Variants in NRG1 observed in about 807,000 individuals in gnomAD.
NRG1 encodes the protein neuregulin 1, also known as pro-neuregulin-1, membrane-bound isoform.
NRG1 carries 18 observed loss-of-function variants against 63.8 expected under a neutral mutation model. The observed-to-expected ratio is 0.28, with a 90% CI of 0.19 to 0.42. The LOEUF is 0.42. Ranked by LOEUF, NRG1 falls within the 10% of genes least tolerant of loss-of-function variation. NRG1 has a pLI of 1.00. For synonymous variants in NRG1, 302 were observed against 301.3 expected, an observed-to-expected ratio of 1.00 and a Z score of -0.02; for missense variants, 762 against 814.7, an observed-to-expected ratio of 0.94 and a Z score of 0.79.
At chr8:31,775,745 T>C (rs1446931563) in intron 1 of NRG1, among the ~76,000 whole-genome samples, 1 of 151,562 alleles carries the variant, frequency 6.6e-6, no homozygotes, top group Non-Finnish European at 1.5e-5. Flanking sequence ...TAGCTGGGCA[T>C]GATGGTGGGT....
At chr8:32,762,984 G>C (rs1272272205) in intron 11 of NRG1, among the ~76,000 whole-genome samples, 1 of 152,136 alleles carries the variant, frequency 6.6e-6, no homozygotes, top group Non-Finnish European at 1.5e-5. Context: ...TATAGCTGTG[G>C]GTTTTGGAAG....
chr8:32,267,179 A>C (rs1851066355), intron 1 of NRG1, among the ~76,000 whole-genome samples: 1 of 146,606 alleles, frequency 6.8e-6, no homozygotes, highest in Non-Finnish European at 1.5e-5. Flanking sequence ...GAAGGAAGGA[A>C]GGAGAAAGAA....
intron 1 of NRG1, among the ~76,000 whole-genome samples, chr8:31,997,675 C>T (rs770949989): frequency 2.0e-5 from 3 of 151,966 alleles, no homozygotes; most frequent in Non-Finnish European, 4.4e-5. Flanking sequence ...GTCCTTCCCA[C>T]ATCATCACAC....
At chr8:32,463,594 G>A (rs2129489459) in intron 1 of NRG1, among the ~76,000 whole-genome samples, 1 of 152,178 alleles carries the variant, frequency 6.6e-6, no homozygotes, top group South Asian at 2.1e-4. Flanking sequence ...TGGAACCATA[G>A]CACTTTGGGA....
At chr8:31,795,697 T>C (rs564275619) in intron 1 of NRG1, among the ~76,000 whole-genome samples, 2 of 152,312 alleles carry the variant, frequency 1.3e-5, no homozygotes, top group South Asian at 4.1e-4. Flanking sequence ...ATATTACACA[T>C]TCATCCATTT....
intron 1 of NRG1, among the ~76,000 whole-genome samples, chr8:32,266,001 T>C (rs1322051024): frequency 6.6e-6 from 1 of 152,194 alleles, no homozygotes; most frequent in Non-Finnish European, 1.5e-5. Context: ...CATCAGGGAC[T>C]TGAGCATTTG....
At chr8:32,636,216 G>C (rs867383988) in intron 5 of NRG1, among the ~76,000 whole-genome samples, 1 of 152,066 alleles carries the variant, frequency 6.6e-6, no homozygotes, top group Admixed American at 6.6e-5. Context: ...TCGGGCGCAG[G>C]GGGTGGGGGC....
At chr8:32,590,059 G>A (rs1842259763) in intron 1 of NRG1, among the ~76,000 whole-genome samples, 1 of 152,182 alleles carries the variant, frequency 6.6e-6, no homozygotes. Flanking sequence ...CATGTTTTGA[G>A]TTAGAGTCAG....
intron 5 of NRG1, among the ~76,000 whole-genome samples, chr8:32,718,575 C>T (rs1264146404): frequency 6.6e-6 from 1 of 152,148 alleles, no homozygotes; most frequent in African/African-American, 2.4e-5. Flanking sequence ...ACCAGATTAT[C>T]AATGGCTTCT....
At chr8:32,669,501 A>G (rs1390157409) in intron 5 of NRG1, among the ~76,000 whole-genome samples, 3 of 152,210 alleles carry the variant, frequency 2.0e-5, no homozygotes, top group Admixed American at 6.5e-5. Context: ...TGAATTGTTC[A>G]GCATGTATAA....
Position 32,049,781 on chromosome 8 carries a change from G to A in NRG1, c.37+410350G>A, listed in dbSNP as rs142844977. 7.4e-3 allele frequency among the ~76,000 whole-genome samples: 1,119 copies of A among 152,186 alleles called. 19 individuals carry two copies. The highest frequency in any genetic ancestry group is 0.026 in the African/African-American group (1,070 of 41,522). Reference sequence around the variant, plus strand: ...AGGGAAGATGATGATTTTCAATGTAGGTCATGGCCTGAAGTGGAGAATTTC... The same window carrying A: ...AGGGAAGATGATGATTTTCAATGTAAGTCATGGCCTGAAGTGGAGAATTTC... On this transcript the variant is annotated intron_variant, in intron 1 of 10. Transcript: ENST00000519301.
chr8:32,127,821 G>C (rs969977760), intron 1 of NRG1, among the ~76,000 whole-genome samples: 98 of 151,876 alleles, frequency 6.5e-4, no homozygotes, highest in African/African-American at 2.3e-3. Flanking sequence ...AGCTACTCGG[G>C]AAGCTGAGGT....
chr8:32,081,526 A>C (rs1827466319), intron 1 of NRG1, among the ~76,000 whole-genome samples: 1 of 152,146 alleles, frequency 6.6e-6, no homozygotes, highest in Non-Finnish European at 1.5e-5. Flanking sequence ...GCAAAGGAAC[A>C]TTAGATTAGT....
At chr8:31,701,445 CTTTG>C (rs1233013646) in intron 1 of NRG1, among the ~76,000 whole-genome samples, 2 of 152,076 alleles carry the variant, frequency 1.3e-5, no homozygotes, top group Non-Finnish European at 2.9e-5. Flanking sequence ...GAACTTAATT[CTTTG>C]TTTGAGTCAA....
intron 1 of NRG1, among the ~76,000 whole-genome samples, chr8:32,159,491 G>A (rs1394376342): frequency 2.8e-5 from 4 of 143,752 alleles, no homozygotes; most frequent in East Asian, 2.0e-4. Flanking sequence ...CCGAGATTGC[G>A]CCACTGCAGT....
chr8:32,500,987 T>G (rs1827788644), intron 1 of NRG1, among the ~76,000 whole-genome samples: 1 of 152,204 alleles, frequency 6.6e-6, no homozygotes, highest in African/African-American at 2.4e-5. Context: ...CTTGAAGTTA[T>G]TTAAGCAATG....
At chr8:32,410,486 T>TA (rs1814756131) in intron 1 of NRG1, among the ~76,000 whole-genome samples, 1 of 152,104 alleles carries the variant, frequency 6.6e-6, no homozygotes, top group Non-Finnish European at 1.5e-5. Flanking sequence ...TTCTCAAAAA[T>TA]CTTTCTTCCA....
At chr8:32,696,511 A>T (rs1251939240) in intron 5 of NRG1, among the ~76,000 whole-genome samples, 1 of 152,208 alleles carries the variant, frequency 6.6e-6, no homozygotes, top group Non-Finnish European at 1.5e-5. Context: ...TTATAATTTC[A>T]GAAGTATTGA....
chr8:32,537,359 G>A (rs1257203815), intron 1 of NRG1, among the ~76,000 whole-genome samples: 2 of 152,092 alleles, frequency 1.3e-5, no homozygotes, highest in African/African-American at 4.8e-5. Flanking sequence ...GGGATGATAA[G>A]AGAAGGTAAA....
Sources: allele counts gnomAD v4.1 joint callset (sites outside exome capture counted in the v4.1 genomes callset), GRCh38; gene constraint gnomAD v4.1.1; transcripts MANE v1.5; gene names NCBI Gene and HGNC (gene_info 2026-07-23, HGNC 2026-07-21).